DRC9: variants seen among roughly 807,000 people sequenced by gnomAD.
DRC9 encodes the protein dynein regulatory complex protein 9.
the DRC9 span, among the ~76,000 whole-genome samples, chr3:197,927,720 C>A: frequency 6.6e-6 from 1 of 152,114 alleles, no homozygotes; most frequent in Non-Finnish European, 1.5e-5. Context: ...ATATCATTTA[C>A]ATGAGATTAT....
chr3:197,924,900 C>T, the DRC9 span, among the ~76,000 whole-genome samples: 2 of 152,294 alleles, frequency 1.3e-5, no homozygotes, highest in African/African-American at 4.8e-5. Flanking sequence ...TAGGTTGTAG[C>T]CCCAACTTTG....
chr3:197,901,242 G>A, the DRC9 span, among the ~76,000 whole-genome samples: 2 of 152,110 alleles, frequency 1.3e-5, no homozygotes, highest in East Asian at 1.9e-4. The surrounding 1 kb of genome is among the most constrained non-coding windows in gnomAD (Gnocchi z 4.4). Context: ...GGGTTCAAGC[G>A]AGTCTCCTGC....
chr3:197,930,249 G>C, the DRC9 span, among the ~76,000 whole-genome samples: 1 of 152,068 alleles, frequency 6.6e-6, no homozygotes, highest in Non-Finnish European at 1.5e-5. Flanking sequence ...TGAGGGGGCT[G>C]AGGCAGGAGG....
the DRC9 span, among the ~76,000 whole-genome samples, chr3:197,936,589 T>C: frequency 6.6e-6 from 1 of 152,106 alleles, no homozygotes; most frequent in Non-Finnish European, 1.5e-5. Flanking sequence ...TTTCAAACTC[T>C]TGGGCTCAAG....
the DRC9 span, chr3:197,958,155 A>C: frequency 6.6e-6 from 1 of 152,188 alleles, no homozygotes; most frequent in Non-Finnish European, 1.5e-5. Context: ...GCACCTTTGA[A>C]CTTCTAGGCT....
At chr3:197,926,112 G>A in the DRC9 span, 16 of 1,446,116 alleles carry the variant, frequency 1.1e-5, no homozygotes, top group Non-Finnish European at 1.3e-5. Context: ...CTCCCTAGAA[G>A]ATATAAGAAT....
At chr3:197,907,861 C>T in the DRC9 span, among the ~76,000 whole-genome samples, 2 of 145,570 alleles carry the variant, frequency 1.4e-5, no homozygotes, top group African/African-American at 5.2e-5. Flanking sequence ...TCCAAGGCAC[C>T]CTCCCAGATG....
chr3:197,919,748 A>G, the DRC9 span, among the ~76,000 whole-genome samples: 3 of 152,192 alleles, frequency 2.0e-5, no homozygotes, highest in African/African-American at 7.2e-5. Flanking sequence ...AAAGTACAGA[A>G]CGGAGTACTG....
the DRC9 span, chr3:197,889,702 A>C: frequency 6.2e-7 from 1 of 1,614,160 alleles, no homozygotes; most frequent in Non-Finnish European, 8.5e-7. Flanking sequence ...GTGCCTCGCC[A>C]CCAGGCCTGG....
chr3:197,904,320 G>T, the DRC9 span, among the ~76,000 whole-genome samples: 1 of 151,976 alleles, frequency 6.6e-6, no homozygotes, highest in African/African-American at 2.4e-5. Context: ...GGAGAAAAAG[G>T]AATCCTGGTA....
chr3:197,905,925 G>A, the DRC9 span, among the ~76,000 whole-genome samples: 4 of 151,394 alleles, frequency 2.6e-5, no homozygotes, highest in African/African-American at 9.7e-5. Flanking sequence ...ATCCTGATGA[G>A]AAGAAAAACT....
the DRC9 span, chr3:197,913,493 T>C: frequency 6.1e-6 from 2 of 328,920 alleles, no homozygotes; most frequent in African/African-American, 2.1e-5. Context: ...GCTGTATTTC[T>C]TACTGGAGGA....
chr3:197,942,934 A>T, the DRC9 span, among the ~76,000 whole-genome samples: 1 of 152,034 alleles, frequency 6.6e-6, no homozygotes, highest in African/African-American at 2.4e-5. Flanking sequence ...CAAGTTATAT[A>T]ATGTTATTAT....
the DRC9 span, chr3:197,953,622 C>A: frequency 2.2e-6 from 1 of 457,408 alleles, no homozygotes. Context: ...GTTCCATGGT[C>A]ACCTCAGTGA....
At chr3:197,931,730 T>G in the DRC9 span, among the ~76,000 whole-genome samples, 1 of 151,948 alleles carries the variant, frequency 6.6e-6, no homozygotes, top group Non-Finnish European at 1.5e-5. Context: ...GTTCAGGCCA[T>G]TCTCCTGCCT....
chr3:197,907,022 T>C, the DRC9 span, among the ~76,000 whole-genome samples: 14 of 152,212 alleles, frequency 9.2e-5, no homozygotes, highest in Non-Finnish European at 1.6e-4. Flanking sequence ...CCCTTCGTGG[T>C]AAATGTGCCC....
chr3:197,913,329 C>CGTGCGTGCGTGCGTGCGTGCGTGT, the DRC9 span: 1 of 192,802 alleles, frequency 5.2e-6, no homozygotes, highest in Non-Finnish European at 1.0e-5. Flanking sequence ...TGCGTGTGTG[C>CGTGCGTGCGTGCGTGCGTGCGTGT]GTGCGTGCGT....
chr3:197,952,162 GTTTTTTTTTTTTTTTT>G, the DRC9 span, among the ~76,000 whole-genome samples: 7 of 83,860 alleles, frequency 8.3e-5, no homozygotes, highest in Non-Finnish European at 1.6e-4. Flanking sequence ...AAAATTATGG[GTTTTTTTTTTTTTTTT>G]TTTTTTTTTT....
the DRC9 span, chr3:197,959,688 T>C: frequency 2.0e-5 from 3 of 152,468 alleles, no homozygotes; most frequent in African/African-American, 7.2e-5. Flanking sequence ...ATCCCCCTTA[T>C]CTCAGGTGCA....
Sources: gnomAD v4.1 joint callset for allele counts (sites outside exome capture counted in the v4.1 genomes callset) on GRCh38, gnomAD v4.1.1 for gene constraint, Gnocchi (gnomAD v3.1) non-coding constraint, MANE v1.5 for transcripts, NCBI Gene and HGNC (gene_info 2026-07-23, HGNC 2026-07-21) for gene names.